The following ADAM12 variants were observed in gnomAD, a reference collection of about 807,000 sequenced individuals.
ADAM12 encodes the protein ADAM metallopeptidase domain 12.
A neutral mutation model predicts 106.4 loss-of-function variants in ADAM12; 70 were observed. The ratio of observed to expected loss-of-function variants is 0.66; its 90% CI spans 0.54 to 0.80. The LOEUF (loss-of-function observed/expected upper bound fraction) is 0.80. Ranked by LOEUF, ADAM12 falls within the 30% of genes least tolerant of loss-of-function variation. The probability of loss-of-function intolerance (pLI) is 0.00; values close to 1 mark genes in which losing one functional copy is unlikely to be tolerated. For synonymous variants in ADAM12, 420 were observed against 433.5 expected (o/e 0.97, Z 0.39); for missense variants, 1,010 against 1,171.9 (o/e 0.86, Z 2.02).
intron 3 of ADAM12, among the ~76,000 whole-genome samples, chr10:126,175,827 G>C (rs1957210381): frequency 6.6e-6 from 1 of 152,206 alleles, no homozygotes; most frequent in South Asian, 2.1e-4. Flanking sequence ...GGAGGGGAAA[G>C]GCTCTCCCTT....
intron 2 of ADAM12, among the ~76,000 whole-genome samples, chr10:126,305,364 A>C (rs1960798837): frequency 6.6e-6 from 1 of 152,076 alleles, no homozygotes; most frequent in South Asian, 2.1e-4. Context: ...CCAGACACAA[A>C]AGAGTACAAT....
chr10:126,190,942 G>C (rs1413723172), intron 3 of ADAM12, among the ~76,000 whole-genome samples: 1 of 149,316 alleles, frequency 6.7e-6, no homozygotes, highest in African/African-American at 2.4e-5. Flanking sequence ...AGGGTGAAGA[G>C]TCTGGGAGAG....
At chr10:126,263,734 C>T (rs1959045397) in intron 3 of ADAM12, among the ~76,000 whole-genome samples, 1 of 152,134 alleles carries the variant, frequency 6.6e-6, no homozygotes, top group South Asian at 2.1e-4. Flanking sequence ...GATTGAATAA[C>T]ATATTTCCAT....
At position 126,168,896 on chromosome 10, in the gene ADAM12, T is replaced by C. The variant is rs183993115; in HGVS notation, c.261-13591A>G. ...GGTGAAACTCCATCTCTACTAACAA[T>C]ACAAAAATTAGCCGGGTATGGTGGC... On this transcript the variant is annotated intron_variant, in intron 3 of 22. Coordinates refer to ENST00000448723, the MANE Select transcript of ADAM12 (RefSeq NM_001288973.2). Among the ~76,000 whole-genome samples the C allele has an allele frequency of 3.3e-5, 5 of 151,942 alleles. No homozygotes were observed. The East Asian group carries it at 7.8e-4, about 24-fold the overall frequency.
chr10:126,223,895 C>T (rs1002794751), intron 3 of ADAM12, among the ~76,000 whole-genome samples: 4 of 152,178 alleles, frequency 2.6e-5, no homozygotes, highest in African/African-American at 9.7e-5. Flanking sequence ...CTAGAGCCAT[C>T]CCAGCATCCC....
intron 3 of ADAM12, among the ~76,000 whole-genome samples, chr10:126,164,216 T>C (rs981886346): frequency 6.6e-6 from 1 of 152,230 alleles, no homozygotes; most frequent in Non-Finnish European, 1.5e-5. Context: ...ATACGTATTG[T>C]TGGAGGGTTT....
chr10:126,098,104 C>T (rs1045214986), intron 10 of ADAM12, among the ~76,000 whole-genome samples: 1 of 152,192 alleles, frequency 6.6e-6, no homozygotes, highest in Non-Finnish European at 1.5e-5. Context: ...ACCCCAATGC[C>T]CTGGCTCACC....
chr10:126,384,999 C>T (rs1856613014), intron 1 of ADAM12, among the ~76,000 whole-genome samples: 1 of 152,204 alleles, frequency 6.6e-6, no homozygotes, highest in Non-Finnish European at 1.5e-5. Flanking sequence ...GGGTCCACAA[C>T]CCCCTTCTCA....
At chr10:126,167,983 C>A (rs1484202920) in intron 3 of ADAM12, among the ~76,000 whole-genome samples, 1 of 152,238 alleles carries the variant, frequency 6.6e-6, no homozygotes, top group African/African-American at 2.4e-5. Context: ...ATATCTTACA[C>A]CCAGCCCTTG....
rs945317802 is a variant in ADAM12 at position 126,053,752 on chromosome 10, C to G, written c.1610-4083G>C. 5.3e-5 allele frequency among the ~76,000 whole-genome samples: 8 copies of G among 152,012 alleles called. No individual in the cohort carries two copies. Among genetic ancestry groups the G allele is most frequent in the Middle Eastern group, 3.2e-3 (1 of 316 alleles). On this transcript the variant is annotated intron_variant, in intron 14 of 22. Transcript: ENST00000448723. This position sits in a 1 kb window ranked among gnomAD's most constrained non-coding sequence, Gnocchi z 4.6. ...GAGAGTTTCGCTCTTGTTGCCCAGG[C>G]TCGAGTGCAATGGTGTGATCTCGGC...
chr10:126,160,493 A>T (rs1188231596), intron 3 of ADAM12, among the ~76,000 whole-genome samples: 1 of 152,152 alleles, frequency 6.6e-6, no homozygotes, highest in Non-Finnish European at 1.5e-5. Context: ...TGAATGAGAG[A>T]TGGAGAGAAG....
intron 21 of ADAM12, 111 bp from the exon 22 acceptor site, chr10:126,019,936 C>T (rs1172329285): frequency 1.6e-5 from 20 of 1,289,290 alleles, no homozygotes; most frequent in Non-Finnish European, 2.0e-5. Flanking sequence ...ATCATCCTGT[C>T]ACCATACAAG....
In ADAM12 at chr10:126,238,206, AG is replaced by A. The variant is rs1279390508; in HGVS notation, c.260+40708del. ...ATTTTAAATTAAATCCTGGCCGGGCAGGGTGGCTCACGCCTGTAATCTCACC... is the reference window on the plus strand; with the variant it reads ...ATTTTAAATTAAATCCTGGCCGGGCAGGTGGCTCACGCCTGTAATCTCACC... On this transcript the variant is annotated intron_variant, in intron 3 of 22. Transcript: ENST00000448723. Among the ~76,000 whole-genome samples, 62 of 152,360 alleles carry A rather than the reference AG, an allele frequency of 4.1e-4. 1 individual carries two copies. In the East Asian group the frequency reaches 0.011, roughly 27 times the overall value.
chr10:126,050,903 ATC>A (rs1032617140), intron 14 of ADAM12, among the ~76,000 whole-genome samples: 3 of 151,868 alleles, frequency 2.0e-5, no homozygotes, highest in Non-Finnish European at 4.4e-5. Context: ...AGCCTCTGCA[ATC>A]TCTTTTTTCA....
chr10:126,241,353 C>T (rs984024413), intron 3 of ADAM12, among the ~76,000 whole-genome samples: 5 of 152,142 alleles, frequency 3.3e-5, no homozygotes, highest in African/African-American at 1.2e-4. Flanking sequence ...TGAAACTGTA[C>T]CCTTTAAAAT....
intron 5 of ADAM12, among the ~76,000 whole-genome samples, chr10:126,124,707 AC>A (rs562056289): frequency 1.6e-3 from 245 of 152,118 alleles, no homozygotes; most frequent in African/African-American, 5.7e-3. Context: ...AGCCTGGGCA[AC>A]ATTGTGAAAC....
chr10:126,038,443 A>C, intron 19 of ADAM12, 94 bp from the exon 20 acceptor site: 1 of 945,092 alleles, frequency 1.1e-6, no homozygotes, highest in South Asian at 1.8e-5. Context: ...CTCAAAAGAC[A>C]GTTTACTTAA....
chr10:126,259,328 A>G (rs773817410), intron 3 of ADAM12, among the ~76,000 whole-genome samples: 1 of 152,200 alleles, frequency 6.6e-6, no homozygotes, highest in Non-Finnish European at 1.5e-5. Flanking sequence ...CCTTCTTAAA[A>G]AAGCTTCAAG....
chr10:126,386,774 T>A (rs1047514611), intron 1 of ADAM12, among the ~76,000 whole-genome samples: 1 of 150,418 alleles, frequency 6.6e-6, no homozygotes, highest in Non-Finnish European at 1.5e-5. Context: ...ACACTTTCCG[T>A]TTTTTAAAAA....
Sources: gnomAD v4.1 joint callset for allele counts (sites outside exome capture counted in the v4.1 genomes callset) on GRCh38, gnomAD v4.1.1 for gene constraint, Gnocchi (gnomAD v3.1) non-coding constraint, MANE v1.5 for transcripts, NCBI Gene and HGNC (gene_info 2026-07-23, HGNC 2026-07-21) for gene names.